The following SLC35E2B variants were observed in gnomAD, a reference collection of about 807,000 sequenced individuals.
SLC35E2B encodes the protein solute carrier family 35, member E2B.
Under a neutral mutation model 32.4 loss-of-function variants are expected in SLC35E2B, and 18 were observed. The ratio of observed to expected loss-of-function variants is 0.56; its 90% CI spans 0.38 to 0.82. The LOEUF (loss-of-function observed/expected upper bound fraction) is 0.82, where lower values mean the gene tolerates loss of function less well. Among genes scored for constraint, SLC35E2B ranks in the 40% least tolerant of loss-of-function variants. The probability of loss-of-function intolerance (pLI) is 0.00; values close to 1 mark genes in which losing one functional copy is unlikely to be tolerated. For missense variants in SLC35E2B, 263 were observed against 469.5 expected (o/e 0.56, Z 4.06); for synonymous variants, 132 against 209.1 (o/e 0.63, Z 3.18).
rs143618902 is a variant in SLC35E2B, at chr1:1,680,638, G to A, written c.-147-3792C>T. ...CCTGCAGTTGAGCCCACGTGGTCCC[G>A]GGGTCTCCATTCCCCTCCCAATCTG... On this transcript the variant is annotated intron_variant, in intron 2 of 9. Transcript: ENST00000617444. Among the ~76,000 whole-genome samples the A allele has an allele frequency of 9.3e-4, 142 of 152,088 alleles. 1 individual carries two copies. The highest frequency in any genetic ancestry group is 3.4e-3 in the Middle Eastern group (1 of 294).
chr1:1,663,246 A>T lies in SLC35E2B; in HGVS notation c.*2536T>A, dbSNP rs1469588218. The T allele has an allele frequency of 3.1e-6, 3 of 976,984 alleles. No homozygotes were observed. Among genetic ancestry groups the T allele is most frequent in the Non-Finnish European group, 3.6e-6 (3 of 823,346 alleles). The allele number at this position is 976,984 out of a possible 1,614,324, so 60.5% of individuals were successfully genotyped here. A position where few individuals can be genotyped will look rare whatever the true frequency, so the allele number is the denominator to read the frequency against. On this transcript the variant is annotated 3_prime_UTR_variant, in exon 10 of 10. Coordinates refer to ENST00000617444, the MANE Select transcript of SLC35E2B (RefSeq NM_001290264.2). ...TCCACAAACAGAAAATCCAAACAGGATGGCAGCTCCTTGTGAGGGTGGAGG... is the reference window on the plus strand; with the variant it reads ...TCCACAAACAGAAAATCCAAACAGGTTGGCAGCTCCTTGTGAGGGTGGAGG...
chr1:1,666,147 C>T (rs1198849267), intron 9 of SLC35E2B, 128 bp from the exon 10 acceptor site: 8 of 1,145,366 alleles, frequency 7.0e-6, no homozygotes, highest in Non-Finnish European at 9.7e-6. Flanking sequence ...ACGGTGACAT[C>T]AGCCCTGCGG....
intron 2 of SLC35E2B, among the ~76,000 whole-genome samples, chr1:1,682,821 C>T (rs1453439734): frequency 6.6e-6 from 1 of 152,024 alleles, no homozygotes. Flanking sequence ...TGGTGGCTCA[C>T]GCCTGTAATC....
chr1:1,683,642 G>C (rs1244859424), intron 2 of SLC35E2B, among the ~76,000 whole-genome samples: 1 of 152,026 alleles, frequency 6.6e-6, no homozygotes, highest in Non-Finnish European at 1.5e-5. Context: ...GAGGTTGGCG[G>C]GTGGGGCTCA....
At position 1,671,568 on chromosome 1, in the gene SLC35E2B, A is replaced by G; in HGVS notation, c.648T>C (p.Thr216=). The change falls in exon 6 of 10, where the codon ACT becomes ACC. Residue 216 remains threonine, a synonymous_variant. Coordinates refer to ENST00000617444, the MANE Select transcript of SLC35E2B (RefSeq NM_001290264.2). The part of the protein sequence containing the change: ...VMGGLALCTA[T]EISFNVLGFS... ...ACCCCAGGACATTGAAGCTGATCTCAGTGGCCGTGCACAGCGCCAGCCCGC... is the reference window on the plus strand; with the variant it reads ...ACCCCAGGACATTGAAGCTGATCTCGGTGGCCGTGCACAGCGCCAGCCCGC... 1 of 1,541,218 alleles carries G rather than the reference A, an allele frequency of 6.5e-7. No homozygotes were observed. The highest frequency in any genetic ancestry group is 8.8e-7 in the Non-Finnish European group (1 of 1,138,600).
rs1213248740 is a variant in SLC35E2B, at chr1:1,668,389, C to T, written c.918G>A (p.Leu306=). 2.5e-6 allele frequency: 4 copies of T among 1,612,946 alleles called. No homozygotes were observed. In the African/African-American group the frequency reaches 4.0e-5, roughly 16 times the overall value. The change falls in exon 9 of 10, where the codon CTG becomes CTA. Residue 306 remains leucine, a synonymous_variant. Coordinates refer to ENST00000617444, the MANE Select transcript of SLC35E2B (RefSeq NM_001290264.2). ...VVLLLLTDGV[L]FHLQSVTAYA... is the part of the protein sequence containing the mutation. ...ACGCCGTGACGCTCTGAAGGTGGAA[C>T]AGGACTCCGTCTGTCAGAAGCAGCA... is the stretch of plus-strand genomic sequence containing the variant.
intron 2 of SLC35E2B, among the ~76,000 whole-genome samples, chr1:1,681,096 C>T (rs138113740): frequency 1.9e-4 from 29 of 152,282 alleles, no homozygotes; most frequent in East Asian, 5.8e-4. Flanking sequence ...GAGGCACCCA[C>T]GGTTCGTTCC....
chr1:1,669,913 T>A, intron 7 of SLC35E2B, 177 bp from the exon 8 acceptor site: 1 of 864,032 alleles, frequency 1.2e-6, no homozygotes, highest in Non-Finnish European at 1.9e-6. Flanking sequence ...CCAGGCTGGC[T>A]GAGGGGCTCA....
At chr1:1,666,658 G>T (rs902791419) in intron 9 of SLC35E2B, among the ~76,000 whole-genome samples, 1 of 150,696 alleles carries the variant, frequency 6.6e-6, no homozygotes, top group African/African-American at 2.5e-5. Flanking sequence ...GAGGCTAGGC[G>T]TGGGGGCTCA....
chr1:1,663,717 C>T lies in SLC35E2B; in HGVS notation c.*2065G>A. 1 of 485,780 alleles carries T rather than the reference C, an allele frequency of 2.1e-6. No homozygotes were observed. Among genetic ancestry groups the T allele is most frequent in the Non-Finnish European group, 2.7e-6 (1 of 369,442 alleles). The allele number at this position is 485,780 out of a possible 1,614,324, so 30.1% of individuals were successfully genotyped here. ...AACTCCTGGCCTTGTGATCCGCCAG[C>T]TGCTGCCTCCCAAAGTGCTGCGATT... On this transcript the variant is annotated 3_prime_UTR_variant, in exon 10 of 10. Transcript: ENST00000617444.
At chr1:1,670,071 G>C in intron 7 of SLC35E2B, 27 bp downstream of exon 7, 1 of 1,538,430 alleles carries the variant, frequency 6.5e-7, no homozygotes, top group Non-Finnish European at 8.8e-7. Context: ...TTATGACTTG[G>C]AGATTTCACT....
chr1:1,678,496 G>A (rs545842559), intron 2 of SLC35E2B, among the ~76,000 whole-genome samples: 23 of 151,980 alleles, frequency 1.5e-4, no homozygotes, highest in African/African-American at 4.3e-4. Flanking sequence ...AGGTCTCCCC[G>A]TCTGCCCATC....
At chr1:1,681,013 C>T (rs1643895768) in intron 2 of SLC35E2B, among the ~76,000 whole-genome samples, 1 of 151,154 alleles carries the variant, frequency 6.6e-6, no homozygotes, top group African/African-American at 2.4e-5. Context: ...CCAGTGAAGT[C>T]AGAGAATCCT....
intron 2 of SLC35E2B, among the ~76,000 whole-genome samples, chr1:1,680,759 C>T (rs1307393252): frequency 2.0e-5 from 3 of 151,826 alleles, no homozygotes; most frequent in Non-Finnish European, 4.4e-5. Context: ...CTTCCCCCCA[C>T]GTAAACACCT....
intron 5 of SLC35E2B, among the ~76,000 whole-genome samples, chr1:1,674,896 G>T (rs1264012461): frequency 6.6e-6 from 1 of 152,148 alleles, no homozygotes; most frequent in African/African-American, 2.4e-5. Flanking sequence ...CTCCTCGCTG[G>T]TTTTCATGCA....
At chr1:1,677,699 G>A (rs1643865708) in intron 2 of SLC35E2B, among the ~76,000 whole-genome samples, 1 of 151,340 alleles carries the variant, frequency 6.6e-6, no homozygotes, top group South Asian at 2.1e-4. Flanking sequence ...TGTTAGCCAG[G>A]ATGGTCTCGA....
intron 2 of SLC35E2B, among the ~76,000 whole-genome samples, chr1:1,683,640 C>T (rs780699912): frequency 7.9e-5 from 12 of 152,104 alleles, no homozygotes; most frequent in Non-Finnish European, 1.8e-4. Flanking sequence ...CTGAGGTTGG[C>T]GGGTGGGGCT....
chr1:1,666,585 G>A (rs1320281635), intron 9 of SLC35E2B, among the ~76,000 whole-genome samples: 1 of 152,190 alleles, frequency 6.6e-6, no homozygotes, highest in Non-Finnish European at 1.5e-5. Context: ...ACTTCAGCCT[G>A]CTCTCTAAAG....
rs1643872049 is a variant in SLC35E2B at position 1,678,438 on chromosome 1, C to CCTTCCTCT, written c.-147-1600_-147-1593dup. Among the ~76,000 whole-genome samples the CCTTCCTCT allele has an allele frequency of 2.0e-5, 3 of 152,026 alleles. No individual in the cohort carries two copies. In the South Asian group the frequency reaches 6.2e-4, roughly 32 times the overall value. Reference sequence around the variant, plus strand: ...GGCGGCAATGCCAGGGCCTCTGCAGCCTTCCTCTCTCTCCTCCCCTCCCCC... The same window carrying CCTTCCTCT: ...GGCGGCAATGCCAGGGCCTCTGCAGCCTTCCTCTCTTCCTCTCTCTCCTCCCCTCCCCC... On this transcript the variant is annotated intron_variant, in intron 2 of 9. Coordinates refer to ENST00000617444, the MANE Select transcript of SLC35E2B (RefSeq NM_001290264.2).
Sources: allele counts gnomAD v4.1 joint callset (sites outside exome capture counted in the v4.1 genomes callset), GRCh38; gene constraint gnomAD v4.1.1; transcripts MANE v1.5; gene names NCBI Gene and HGNC (gene_info 2026-07-23, HGNC 2026-07-21).